ZFX: variants seen among roughly 807,000 people sequenced by gnomAD.
ZFX encodes the protein zinc finger protein X-linked, also known as zinc finger X-chromosomal protein.
For missense variants in ZFX, 362 were observed against 628.3 expected, an observed-to-expected ratio of 0.58 and a Z score of 4.53; for synonymous variants, 196 against 226.8, an observed-to-expected ratio of 0.86 and a Z score of 1.22.
chrX:24,170,187 G>A (rs1478832515), intron 3 of ZFX, among the ~76,000 whole-genome samples: 4 of 100,363 alleles, frequency 4.0e-5, no homozygotes, highest in Non-Finnish European at 6.0e-5. Flanking sequence ...ACAGAGTCTC[G>A]CTCTGTTGCC....
At chrX:24,198,106 T>A (rs1937038223) in intron 5 of ZFX, among the ~76,000 whole-genome samples, 1 of 112,617 alleles carries the variant, frequency 8.9e-6, no homozygotes, top group African/African-American at 3.2e-5. Context: ...GAAGTCAAAA[T>A]GTTAACTTCC....
At chrX:24,168,091 A>G (rs1934177898) in intron 3 of ZFX, among the ~76,000 whole-genome samples, 1 of 112,312 alleles carries the variant, frequency 8.9e-6, no homozygotes, top group Non-Finnish European at 1.9e-5. Context: ...ACATGGGGGA[A>G]AAATTAGGAA....
chrX:24,201,617 T>C (rs922774150), intron 5 of ZFX, among the ~76,000 whole-genome samples: 6 of 112,516 alleles, frequency 5.3e-5, no homozygotes, highest in Non-Finnish European at 9.4e-5. Flanking sequence ...TACAGATTTC[T>C]GCCTAGTTTG....
Position 24,179,553 on chromosome X carries a change from C to T in ZFX, c.429C>T (p.Asp143=), listed in dbSNP as rs756579958. ...CGGGTGATTCTATACATGTGTCTGA[C>T]GTTGGACATGTTGGACATGTTGGAC... The part of the protein sequence containing the change: ...VLTGDSIHVS[D]VGHVGHVGHV... The change falls in exon 5 of 10, where the codon GAC becomes GAT. Residue 143 remains aspartate (D), a synonymous_variant. Transcript: ENST00000304543. 6.6e-6 allele frequency: 8 copies of T among 1,210,612 alleles called. No homozygotes were observed. The African/African-American group carries it at 8.7e-5, about 13-fold the overall frequency.
rs755908337 is a variant in ZFX at position 24,194,413 on chromosome X, G to T, written c.647-12913G>T. Among the ~76,000 whole-genome samples, 4 of 110,917 alleles carry T rather than the reference G, an allele frequency of 3.6e-5. No homozygotes were observed. The South Asian group carries it at 1.6e-3, about 43-fold the overall frequency. ...GCACATTCTCCTCATGTCCATGTGGGTTTCCTCCCACATCCCAAAGCTGTG... is the reference window on the plus strand; with the variant it reads ...GCACATTCTCCTCATGTCCATGTGGTTTTCCTCCCACATCCCAAAGCTGTG... On this transcript the variant is annotated intron_variant, in intron 5 of 9. Transcript: ENST00000304543.
chrX:24,189,915 A>G (rs1435608196), intron 5 of ZFX, among the ~76,000 whole-genome samples: 2 of 111,940 alleles, frequency 1.8e-5, no homozygotes, highest in South Asian at 3.6e-4. Flanking sequence ...TACCCTACCA[A>G]TTTTTTAAAA....
chrX:24,208,379 C>T lies in ZFX; in HGVS notation c.1093+9C>T, dbSNP rs762555522. On this transcript the variant is annotated intron_variant, in intron 8 of 9. Transcript: ENST00000304543. ...ATGGGCAGCAGCTTATGGTAAGTTG[C>T]CCAGCAGCTCTTAGCATTGAAGAAG... 8.3e-7 allele frequency: 1 copy of T among 1,204,979 alleles called. No individual in the cohort carries two copies. Among genetic ancestry groups the T allele is most frequent in the East Asian group, 3.0e-5 (1 of 33,729 alleles).
At chrX:24,156,660 CT>C (rs767019753) in intron 3 of ZFX, among the ~76,000 whole-genome samples, 35 of 83,418 alleles carry the variant, frequency 4.2e-4, no homozygotes, top group Non-Finnish European at 3.7e-4. Context: ...TAATAATAGC[CT>C]TTTTTTTTTT....
Position 24,179,368 on chromosome X carries a change from A to G in ZFX, c.244A>G (p.Met82Val), listed in dbSNP as rs1022206079. 5 of 1,212,362 alleles carry G rather than the reference A, an allele frequency of 4.1e-6. No individual in the cohort carries two copies. The South Asian group carries it at 8.8e-5, about 21-fold the overall frequency. ...AGAAGATGTTCAGTGCCCAGATATC[A>G]TGGAAGAAGCAGATGTGTCTGAAAC... ...VIEDVQCPDI[M>V]EEADVSETVI... The change falls in exon 5 of 10, where the codon ATG (methionine) becomes GTG (valine). Residue 82 changes from methionine to valine, a missense_variant. By Grantham distance (21) the Met-to-Val change is conservative. Transcript: ENST00000304543.
In ZFX at chrX:24,211,442, T is replaced by G; in HGVS notation, c.*66T>G. On this transcript the variant is annotated 3_prime_UTR_variant, in exon 10 of 10. Transcript: ENST00000304543. ...AGCAGAAAATTCATTTTAAAGCCAATCAGTCTCATTCACATACAATACTGT... is the reference window on the plus strand; with the variant it reads ...AGCAGAAAATTCATTTTAAAGCCAAGCAGTCTCATTCACATACAATACTGT... 2.8e-6 allele frequency: 3 copies of G among 1,075,997 alleles called. No homozygotes were observed. The highest frequency in any genetic ancestry group is 2.5e-6 in the Non-Finnish European group (2 of 785,380). The allele number at this position is 1,075,997 out of a possible 1,213,427, so 88.7% of individuals were successfully genotyped here.
chrX:24,208,846 A>T, intron 8 of ZFX, 54 bp from the exon 9 acceptor site: 1 of 1,103,545 alleles, frequency 9.1e-7, no homozygotes, highest in Non-Finnish European at 1.2e-6. Context: ...AGAATTCCTA[A>T]TTCTTTAAAA....
intron 5 of ZFX, among the ~76,000 whole-genome samples, chrX:24,186,771 G>A (rs1262516367): frequency 8.9e-6 from 1 of 111,742 alleles, no homozygotes; most frequent in East Asian, 2.8e-4. Flanking sequence ...CAGGATGACT[G>A]CCTTCTTCAG....
Position 24,179,683 on chromosome X carries a change from T to A in ZFX, c.559T>A (p.Ser187Thr). Residue 187 changes from serine to threonine, a missense_variant, in exon 5 of 10, where the codon TCT (serine) becomes ACT (threonine). Coordinates refer to ENST00000304543, the MANE Select transcript of ZFX (RefSeq NM_003410.4). The part of the protein sequence containing the change: ...SEEVLVADCA[S>T]EAVIDANGIP... ...AGAAGTATTGGTAGCAGACTGTGCC[T>A]CTGAAGCAGTCATAGATGCCAATGG... The A allele has an allele frequency of 8.3e-7, 1 of 1,211,563 alleles. No individual in the cohort carries two copies. The highest frequency in any genetic ancestry group is 1.1e-6 in the Non-Finnish European group (1 of 895,565).
intron 3 of ZFX, among the ~76,000 whole-genome samples, chrX:24,158,001 T>TG (rs1203308484): frequency 5.7e-4 from 63 of 110,942 alleles, no homozygotes; most frequent in African/African-American, 2.0e-3. Flanking sequence ...CCAGGCAATC[T>TG]GCCCGCCTCG....
rs1569174047 is a variant in ZFX, at chrX:24,211,325, A to G, written c.2367A>G (p.Ser789=). 1.6e-6 allele frequency: 2 copies of G among 1,212,263 alleles called. No individual in the cohort carries two copies. Among genetic ancestry groups the G allele is most frequent in the Middle Eastern group, 2.3e-4 (1 of 4,355 alleles). Residue 789 remains serine, a synonymous_variant, in exon 10 of 10, where the codon TCA becomes TCG. Coordinates refer to ENST00000304543, the MANE Select transcript of ZFX (RefSeq NM_003410.4). ...EYCKKGFRRP[S]EKNQHIMRHH... ...GCAAGAAAGGCTTCCGAAGACCTTC[A>G]GAAAAGAACCAGCACATAATGCGAC...
intron 3 of ZFX, among the ~76,000 whole-genome samples, chrX:24,156,886 CCT>C (rs1263075934): frequency 9.0e-6 from 1 of 111,333 alleles, no homozygotes; most frequent in Non-Finnish European, 1.9e-5. Context: ...GATCTCCTGA[CCT>C]CATGATCTGC....
chrX:24,174,167 C>T (rs751580566), intron 4 of ZFX, among the ~76,000 whole-genome samples: 138 of 109,490 alleles, frequency 1.3e-3, no homozygotes, highest in Middle Eastern at 9.3e-3. Context: ...GAGCTGAGAT[C>T]GCACCACTGC....
intron 4 of ZFX, chrX:24,173,494 A>G (rs1459024625): frequency 9.9e-7 from 1 of 1,010,903 alleles, no homozygotes; most frequent in Non-Finnish European, 1.3e-6. Context: ...AGGAAGTTCT[A>G]AAAATAGGAA....
At chrX:24,151,074 C>G (rs1291858096) in intron 1 of ZFX, among the ~76,000 whole-genome samples, 1 of 112,007 alleles carries the variant, frequency 8.9e-6, no homozygotes, top group Non-Finnish European at 1.9e-5. Context: ...CATGGTATTT[C>G]GATTTTTCAT....
Sources: allele counts gnomAD v4.1 joint callset (sites outside exome capture counted in the v4.1 genomes callset), GRCh38; gene constraint gnomAD v4.1.1; transcripts MANE v1.5; gene names NCBI Gene and HGNC (gene_info 2026-07-23, HGNC 2026-07-21).